The following CREB3L2 variants were observed in gnomAD, a reference collection of about 807,000 sequenced individuals.
CREB3L2 encodes cyclic AMP-responsive element-binding protein 3-like protein 2.
CREB3L2 carries 23 observed loss-of-function variants against 57.2 expected under a neutral mutation model. The observed-to-expected ratio is 0.40, with a 90% CI of 0.29 to 0.57. The LOEUF is 0.57. Ranked by LOEUF, CREB3L2 falls within the 20% of genes least tolerant of loss-of-function variation. CREB3L2 has a pLI of 0.42. For missense variants in CREB3L2, 628 were observed against 634.7 expected, an observed-to-expected ratio of 0.99 and a Z score of 0.11; for synonymous variants, 268 against 265.1, an observed-to-expected ratio of 1.01 and a Z score of -0.11.
Position 137,882,586 on chromosome 7 carries a change from G to C in CREB3L2, c.1313C>G (p.Pro438Arg), listed in dbSNP as rs768358209. 1.9e-6 allele frequency: 3 copies of C among 1,611,774 alleles called. No homozygotes were observed. Among genetic ancestry groups the C allele is most frequent in the African/African-American group, 1.3e-5 (1 of 74,998 alleles). ...NLLIYEEHSP[P>R]EESSSPGSAG... ...CGAGCCCGGGCTGGATGACTCCTCT[G>C]GGGGAGAATGTTCCTCGTAGATCAG... Residue 438 changes from proline to arginine, a missense_variant, in exon 11 of 12, where the codon CCA (proline) becomes CGA (arginine). Physicochemically the swap from Pro to Arg is moderately radical, Grantham distance 103. Around this residue, in one of 3 missense-constraint regions of CREB3L2, gnomAD observed 272 missense variants for 242.7 expected, o/e 1.12. Coordinates refer to ENST00000330387, the MANE Select transcript of CREB3L2 (RefSeq NM_194071.4).
At position 137,918,129 on chromosome 7, in the gene CREB3L2, G is replaced by T. The variant is rs184604287; in HGVS notation, c.320-2117C>A. 6.6e-5 allele frequency among the ~76,000 whole-genome samples: 10 copies of T among 152,276 alleles called. No homozygotes were observed. In the South Asian group the frequency reaches 8.3e-4, roughly 13 times the overall value. On this transcript the variant is annotated intron_variant, in intron 2 of 11. Coordinates refer to ENST00000330387, the MANE Select transcript of CREB3L2 (RefSeq NM_194071.4). ...ACCCGCTTAGGACAGTTAGGGAAGG[G>T]CTGGAGAGACAGAGACCGCATAGAT...
chr7:137,924,791 A>G (rs1174882493), intron 2 of CREB3L2, among the ~76,000 whole-genome samples: 1 of 152,146 alleles, frequency 6.6e-6, no homozygotes, highest in African/African-American at 2.4e-5. Flanking sequence ...GGCTGCACCT[A>G]CATTTCTAGG....
intron 1 of CREB3L2, among the ~76,000 whole-genome samples, chr7:137,978,822 C>T (rs17169471): frequency 0.14 from 21,601 of 152,116 alleles, 1,864 homozygotes; most frequent in African/African-American, 0.25. Flanking sequence ...GCACAGAGTG[C>T]GGCTCAGGAA....
chr7:137,939,596 C>G (rs1477318124), intron 1 of CREB3L2, among the ~76,000 whole-genome samples: 2 of 152,196 alleles, frequency 1.3e-5, no homozygotes, highest in Non-Finnish European at 2.9e-5. Flanking sequence ...TCTGCCACAA[C>G]AGACAGCTGA....
intron 8 of CREB3L2, among the ~76,000 whole-genome samples, chr7:137,891,932 G>T (rs1328465817): frequency 6.6e-6 from 1 of 152,162 alleles, no homozygotes; most frequent in African/African-American, 2.4e-5. Context: ...ACTCTCTGGG[G>T]AGTGGTGTGT....
At position 137,901,833 on chromosome 7, in the gene CREB3L2, C is replaced by T. The variant is rs1563245167; in HGVS notation, c.975-411G>A. On this transcript the variant is annotated intron_variant, in intron 7 of 11. Transcript: ENST00000330387. ...GTCAGATGTTGCAGTGAGCCAAGAT[C>T]GCCACTGCACCCCAGCCTTGTGACA... Among the ~76,000 whole-genome samples the T allele has an allele frequency of 3.0e-5, 4 of 131,318 alleles. No individual in the cohort carries two copies. The South Asian group carries it at 7.6e-4, about 25-fold the overall frequency. 86.1% of individuals were successfully genotyped at this position (131,318 alleles called of 152,430 possible).
At chr7:137,994,069 T>TC (rs1801944941) in intron 1 of CREB3L2, among the ~76,000 whole-genome samples, 1 of 152,114 alleles carries the variant, frequency 6.6e-6, no homozygotes, top group Non-Finnish European at 1.5e-5. Context: ...AGACAGTGGG[T>TC]CTCATTATTT....
chr7:137,879,116 T>C lies in CREB3L2; in HGVS notation c.*1360A>G, dbSNP rs1396774433. 1 of 498,376 alleles carries C rather than the reference T, an allele frequency of 2.0e-6. No individual in the cohort carries two copies. The highest frequency in any genetic ancestry group is 3.9e-5 in the East Asian group (1 of 25,476). 30.9% of individuals were successfully genotyped at this position (498,376 alleles called of 1,614,324 possible). ...ATAAAAAGGCAATTTCCACTTCTTA[T>C]TTATATGAAAGAGGAAAGATTTTTT... On this transcript the variant is annotated 3_prime_UTR_variant, in exon 12 of 12. Transcript: ENST00000330387.
Position 137,916,073 on chromosome 7 carries a change from C to T in CREB3L2, c.320-61G>A, listed in dbSNP as rs1216600543. On this transcript the variant is annotated intron_variant, in intron 2 of 11. Transcript: ENST00000330387. Reference sequence around the variant, plus strand: ...TTCAGGGCATCAGGCATAAGCAAAACAAGCGACCACTAGTCTTTCTCCCCA... The same window carrying T: ...TTCAGGGCATCAGGCATAAGCAAAATAAGCGACCACTAGTCTTTCTCCCCA... 5.1e-6 allele frequency: 7 copies of T among 1,367,270 alleles called. No homozygotes were observed. The East Asian group carries it at 1.4e-4, about 28-fold the overall frequency. 84.7% of individuals were successfully genotyped at this position (1,367,270 alleles called of 1,614,324 possible).
intron 2 of CREB3L2, among the ~76,000 whole-genome samples, chr7:137,927,105 G>A (rs1002540304): frequency 2.0e-5 from 3 of 152,036 alleles, no homozygotes; most frequent in East Asian, 1.9e-4. Context: ...GCTACAGTGA[G>A]CTGAGATCAT....
chr7:137,896,421 C>T (rs1289472012), intron 8 of CREB3L2, among the ~76,000 whole-genome samples: 1 of 152,144 alleles, frequency 6.6e-6, no homozygotes, highest in Admixed American at 6.5e-5. Flanking sequence ...CCCGCCTCAG[C>T]CTCCTGAGTA....
At chr7:137,997,481 GAGGCCA>G (rs1802005067) in intron 1 of CREB3L2, among the ~76,000 whole-genome samples, 1 of 152,136 alleles carries the variant, frequency 6.6e-6, no homozygotes, top group Non-Finnish European at 1.5e-5. Flanking sequence ...AGCACTTTGG[GAGGCCA>G]AGGCAAGAGG....
intron 5 of CREB3L2, among the ~76,000 whole-genome samples, chr7:137,906,783 A>G (rs1799898713): frequency 6.6e-6 from 1 of 152,172 alleles, no homozygotes; most frequent in Non-Finnish European, 1.5e-5. Flanking sequence ...GATGGTTTTA[A>G]AAAACAGGAG....
At chr7:137,896,894 A>T (rs893938593) in intron 8 of CREB3L2, among the ~76,000 whole-genome samples, 2 of 152,240 alleles carry the variant, frequency 1.3e-5, no homozygotes, top group African/African-American at 2.4e-5. Flanking sequence ...TATCACTTAC[A>T]TCTAAAGAAA....
intron 1 of CREB3L2, among the ~76,000 whole-genome samples, chr7:137,998,677 G>A (rs1802029279): frequency 6.6e-6 from 1 of 152,152 alleles, no homozygotes; most frequent in Non-Finnish European, 1.5e-5. Context: ...CATTTCACTG[G>A]GTCATTACAA....
intron 1 of CREB3L2, among the ~76,000 whole-genome samples, chr7:137,974,071 C>T (rs934763470): frequency 6.6e-6 from 1 of 151,720 alleles, no homozygotes; most frequent in Non-Finnish European, 1.5e-5. Flanking sequence ...AAAAAATCAA[C>T]CTCCTTGTGT....
chr7:137,921,570 T>C (rs990954526), intron 2 of CREB3L2, among the ~76,000 whole-genome samples: 2 of 152,072 alleles, frequency 1.3e-5, no homozygotes, highest in Admixed American at 6.5e-5. Flanking sequence ...ATCATTTCCA[T>C]AGGTGCCACG....
intron 1 of CREB3L2, among the ~76,000 whole-genome samples, chr7:137,998,001 C>T (rs1417458850): frequency 6.6e-6 from 1 of 152,154 alleles, no homozygotes; most frequent in Non-Finnish European, 1.5e-5. Context: ...TCAGTACTCA[C>T]TGAATTAAAA....
At chr7:137,942,954 G>C (rs1179583916) in intron 1 of CREB3L2, among the ~76,000 whole-genome samples, 2 of 152,158 alleles carry the variant, frequency 1.3e-5, no homozygotes, top group African/African-American at 4.8e-5. Context: ...CTCGGGGGTG[G>C]GGGAGATATT....
Sources: allele counts gnomAD v4.1 joint callset (sites outside exome capture counted in the v4.1 genomes callset), GRCh38; gene constraint gnomAD v4.1.1; regional missense constraint gnomAD v4.1.1; transcripts MANE v1.5; gene names NCBI Gene and HGNC (gene_info 2026-07-23, HGNC 2026-07-21).